The following CC2D1B variants were observed in gnomAD, a reference collection of about 807,000 sequenced individuals.
CC2D1B encodes the protein coiled-coil and C2 domain-containing protein 1B.
CC2D1B carries 92 observed loss-of-function variants against 110.8 expected under a neutral mutation model. The observed-to-expected ratio is 0.83, with a 90% CI of 0.70 to 0.99. The LOEUF is 0.99. Ranked by LOEUF, CC2D1B falls within the 50% of genes least tolerant of loss-of-function variation. CC2D1B has a pLI of 0.00. For missense variants in CC2D1B, 1,136 were observed against 1,089.0 expected, an observed-to-expected ratio of 1.04 and a Z score of -0.61; for synonymous variants, 406 against 429.2, an observed-to-expected ratio of 0.95 and a Z score of 0.67.
Position 52,354,949 on chromosome 1 carries a change from G to A in CC2D1B, c.2240-10C>T. On this transcript the variant is annotated splice_polypyrimidine_tract_variant and intron_variant, in intron 21 of 24. Transcript: ENST00000284376. ...AAGAGTTGATCAAATTCTGGCAAAG[G>A]GGGAGAAAGCAAGGAGGGGCTTGGC... is the stretch of plus-strand genomic sequence containing the variant. 3 of 1,610,244 alleles carry A rather than the reference G, an allele frequency of 1.9e-6. No homozygotes were observed. The highest frequency in any genetic ancestry group is 2.6e-6 in the Non-Finnish European group (3 of 1,176,466).
intron 2 of CC2D1B, among the ~76,000 whole-genome samples, chr1:52,363,374 G>A (rs1419927255): frequency 2.1e-5 from 3 of 142,322 alleles, no homozygotes; most frequent in East Asian, 2.1e-4. Context: ...CAGCCTGGGC[G>A]ACACAGCGAG....
At chr1:52,357,452 G>C in intron 15 of CC2D1B, 74 bp downstream of exon 15, 1 of 1,466,428 alleles carries the variant, frequency 6.8e-7, no homozygotes, top group Non-Finnish European at 9.2e-7. Context: ...AGCTGCCCTT[G>C]TTCACAGCCT....
At position 52,358,585 on chromosome 1, in the gene CC2D1B, G is replaced by A. The variant is rs1284422595; in HGVS notation, c.1330+101C>T. The stretch of plus-strand genomic sequence containing the variant: ...GCTGGGATGGATGGCTCCACAGAGG[G>A]GAGGCAGACGCATGAGAAGTGGGAA... On this transcript the variant is annotated intron_variant, in intron 12 of 24. Transcript: ENST00000284376. 4.5e-6 allele frequency: 7 copies of A among 1,569,276 alleles called. No homozygotes were observed. In the Admixed American group the frequency reaches 6.9e-5, roughly 15 times the overall value.
In CC2D1B at chr1:52,364,576, G is replaced by A; in HGVS notation, c.45C>T (p.Gly15=). The change falls in exon 2 of 25, where the codon GGC becomes GGT. Residue 15 remains glycine, a synonymous_variant. Transcript: ENST00000284376. ...CCTGCTTGGCAGCGGCCACCCCTTG[G>A]CCTCTGGCCTGAGGGCCCTTCCGAG... ...PRPRKGPQAR[G]QGVAAAKQMG... is the part of the protein sequence containing the mutation. 6.2e-7 allele frequency: 1 copy of A among 1,606,438 alleles called. No homozygotes were observed. Among genetic ancestry groups the A allele is most frequent in the Non-Finnish European group, 8.5e-7 (1 of 1,174,146 alleles).
rs750476926 is a variant in CC2D1B at position 52,359,239 on chromosome 1, TCCTGCCCTA to T, written c.1126+2_1126+10del. 1.9e-6 allele frequency: 3 copies of T among 1,611,808 alleles called. No individual in the cohort carries two copies. The East Asian group carries it at 6.7e-5, about 36-fold the overall frequency. ...AGGTCCCCACGCCACAGTCCCACCA[TCCTGCCCTA>T]CCTGGGGTTGCTGGGACGTCAGGGG... On this transcript the variant is annotated splice_donor_variant and splice_donor_5th_base_variant and intron_variant, in intron 10 of 24. Coordinates refer to ENST00000284376, the MANE Select transcript of CC2D1B (RefSeq NM_001330585.2). LOFTEE classifies it high-confidence loss of function.
chr1:52,355,317 T>G (rs1167033603), intron 21 of CC2D1B, 81 bp downstream of exon 21: 2 of 1,449,310 alleles, frequency 1.4e-6, no homozygotes. Flanking sequence ...AGTAAGGGCA[T>G]AGATGGGAAC....
At chr1:52,357,742 T>G (rs774409540) in intron 14 of CC2D1B, 39 bp downstream of exon 14, 4 of 1,606,372 alleles carry the variant, frequency 2.5e-6, no homozygotes, top group Non-Finnish European at 3.4e-6. Context: ...CTGCCCTCTC[T>G]AGGCCCTCAG....
intron 13 of CC2D1B, 52 bp downstream of exon 13, chr1:52,358,279 C>A (rs371734674): frequency 5.0e-6 from 8 of 1,589,396 alleles, no homozygotes; most frequent in African/African-American, 4.0e-5. Context: ...CTGGGTTTAC[C>A]CCTCACCTGC....
At chr1:52,361,388 G>A (rs1569864130) in intron 4 of CC2D1B, 125 bp downstream of exon 4, 2 of 1,516,156 alleles carry the variant, frequency 1.3e-6, no homozygotes, top group Admixed American at 1.8e-5. Flanking sequence ...GTACAGCCAG[G>A]AGGGGCAAGC....
At position 52,359,601 on chromosome 1, in the gene CC2D1B, C is replaced by T. The variant is rs543832217; in HGVS notation, c.943-67G>A. ...ACCCCAAGAGCCTGGGCTGAAACAA[C>T]CCCCACTTAGGCCAATCTCACTCAA... On this transcript the variant is annotated intron_variant, in intron 8 of 24. Coordinates refer to ENST00000284376, the MANE Select transcript of CC2D1B (RefSeq NM_001330585.2). 12 of 1,579,500 alleles carry T rather than the reference C, an allele frequency of 7.6e-6. No individual in the cohort carries two copies. In the African/African-American group the frequency reaches 9.5e-5, roughly 12 times the overall value.
At position 52,360,232 on chromosome 1, in the gene CC2D1B, G is replaced by A; in HGVS notation, c.605C>T (p.Thr202Ile). 2 of 1,613,964 alleles carry A rather than the reference G, an allele frequency of 1.2e-6. No individual in the cohort carries two copies. Among genetic ancestry groups the A allele is most frequent in the South Asian group, 1.1e-5 (1 of 91,072 alleles). ...KARRCERGLK[T>I]LESQLASVRR... ...CACAGAGGCTAGCTGCGACTCCAAG[G>A]TCTGAGGGAGAGAACTGGTCCAGAA... is the stretch of plus-strand genomic sequence containing the variant. The change falls in exon 7 of 25, where the codon ACC becomes ATC. Residue 202 changes from threonine (T) to isoleucine (I), a missense_variant and splice_region_variant. Coordinates refer to ENST00000284376, the MANE Select transcript of CC2D1B (RefSeq NM_001330585.2).
intron 16 of CC2D1B, 50 bp downstream of exon 16, chr1:52,356,951 C>T (rs771367768): frequency 2.0e-5 from 31 of 1,523,130 alleles, no homozygotes; most frequent in East Asian, 2.5e-5. Context: ...TCTTCCTCCA[C>T]GGGGAGGCTG....
intron 1 of CC2D1B, among the ~76,000 whole-genome samples, chr1:52,365,359 T>G (rs1646859406): frequency 6.6e-6 from 1 of 152,246 alleles, no homozygotes; most frequent in Non-Finnish European, 1.5e-5. Context: ...TCTTCAGCCC[T>G]GGGAGAAAAG....
chr1:52,355,981 T>C, intron 18 of CC2D1B, 137 bp from the exon 19 acceptor site: 1 of 969,130 alleles, frequency 1.0e-6, no homozygotes, highest in South Asian at 1.4e-5. Context: ...CCTTGATCTC[T>C]GACTTCTGGT....
At position 52,359,754 on chromosome 1, in the gene CC2D1B, T is replaced by C. The variant is rs760805063; in HGVS notation, c.893A>G (p.Lys298Arg). 3.1e-6 allele frequency: 5 copies of C among 1,610,852 alleles called. No homozygotes were observed. The highest frequency in any genetic ancestry group is 2.2e-5 in the East Asian group (1 of 44,734). The change falls in exon 8 of 25, where the codon AAG (lysine) becomes AGG (arginine). Residue 298 changes from lysine (K) to arginine (R), a missense_variant. Transcript: ENST00000284376. ...GGCACGGTCTAGCTCTCCAGCCCGC[T>C]TGGCACTGAGGGCAGCCACTTTGTA... ...REYKVAALSA[K>R]RAGELDRARE...
chr1:52,351,097 T>G lies in CC2D1B; in HGVS notation c.*2128A>C, dbSNP rs1646524432. ...AGGACAAGATGAAGCTGGGACAGGC[T>G]CCTCCTACTACCAGTGACGCATGCA... On this transcript the variant is annotated 3_prime_UTR_variant, in exon 25 of 25. Coordinates refer to ENST00000284376, the MANE Select transcript of CC2D1B (RefSeq NM_001330585.2). The G allele has an allele frequency of 6.6e-6, 1 of 152,180 alleles. No homozygotes were observed. Among genetic ancestry groups the G allele is most frequent in the Non-Finnish European group, 1.5e-5 (1 of 68,038 alleles). 9.4% of individuals were successfully genotyped at this position (152,180 alleles called of 1,614,324 possible). A position where few individuals can be genotyped will look rare whatever the true frequency, so the allele number is the denominator to read the frequency against.
intron 13 of CC2D1B, 162 bp downstream of exon 13, chr1:52,358,169 C>G: frequency 9.7e-7 from 1 of 1,035,708 alleles, no homozygotes; most frequent in Non-Finnish European, 1.4e-6. Flanking sequence ...AATCCTAGTT[C>G]TGCTATTTCC....
In CC2D1B at chr1:52,358,700, A is replaced by C. The variant is rs773087906; in HGVS notation, c.1316T>G (p.Leu439Trp). The C allele has an allele frequency of 5.6e-6, 9 of 1,613,208 alleles. No individual in the cohort carries two copies. The South Asian group carries it at 8.8e-5, about 16-fold the overall frequency. The change falls in exon 12 of 25, where the codon TTG becomes TGG. Residue 439 changes from leucine to tryptophan, a missense_variant. Physicochemically the swap from Leu to Trp is moderately conservative, Grantham distance 61 (BLOSUM62 -2). Coordinates refer to ENST00000284376, the MANE Select transcript of CC2D1B (RefSeq NM_001330585.2). Reference protein sequence around the residue: ...RAGRKVNFAELPVPPGFPPIP... With the variant: ...RAGRKVNFAEWPVPPGFPPIP... ...GCCCCACTTACCTGGAGGAACAGGC[A>C]ATTCAGCAAAGTTGACTTTCCGTCC...
rs374619861 is a variant in CC2D1B at position 52,355,857 on chromosome 1, G to A, written c.2055-13C>T. On this transcript the variant is annotated splice_polypyrimidine_tract_variant and intron_variant, in intron 18 of 24. Coordinates refer to ENST00000284376, the MANE Select transcript of CC2D1B (RefSeq NM_001330585.2). ...TTCTGAGAAGATCCTAGAGCCAAGC[G>A]GGAAGGAGAAAATGCTCAAAAGTGA... 2.4e-5 allele frequency: 39 copies of A among 1,613,730 alleles called. No homozygotes were observed. Among genetic ancestry groups the A allele is most frequent in the Admixed American group, 5.0e-5 (3 of 59,998 alleles).
Sources: allele counts gnomAD v4.1 joint callset (sites outside exome capture counted in the v4.1 genomes callset), GRCh38; gene constraint gnomAD v4.1.1; transcripts MANE v1.5; gene names NCBI Gene and HGNC (gene_info 2026-07-23, HGNC 2026-07-21).